CNGA3: variants seen among roughly 807,000 people sequenced by gnomAD.
The protein encoded by CNGA3 is cyclic nucleotide gated channel subunit alpha 3.
In CNGA3, 42 loss-of-function variants were observed where a neutral mutation model predicts 46.6. The ratio of observed to expected loss-of-function variants is 0.90; its 90% CI spans 0.70 to 1.17. CNGA3 has a LOEUF of 1.17. Ranked by LOEUF, CNGA3 falls within the 50% of genes most tolerant of loss-of-function variation. The probability of loss-of-function intolerance (pLI) is 0.00; values close to 1 mark genes in which losing one functional copy is unlikely to be tolerated. For missense variants in CNGA3, 893 were observed against 890.7 expected, an observed-to-expected ratio of 1.00 and a Z score of -0.03; for synonymous variants, 394 against 369.4, an observed-to-expected ratio of 1.07 and a Z score of -0.76.
chr2:98,350,267 A>G (rs1461064675), intron 1 of CNGA3, among the ~76,000 whole-genome samples: 1 of 152,200 alleles, frequency 6.6e-6, no homozygotes, highest in Non-Finnish European at 1.5e-5. Context: ...TGTTGTGGGG[A>G]TTAAATGAAG....
intron 2 of CNGA3, among the ~76,000 whole-genome samples, chr2:98,374,184 G>T (rs1296456955): frequency 6.6e-6 from 1 of 152,166 alleles, no homozygotes; most frequent in African/African-American, 2.4e-5. Flanking sequence ...AGTTCTCATG[G>T]GAGCCCCTGT....
intron 1 of CNGA3, chr2:98,356,110 G>T (rs1035492353): frequency 6.6e-6 from 1 of 152,218 alleles, no homozygotes; most frequent in South Asian, 2.1e-4. Flanking sequence ...TCTCAAGCAG[G>T]ATGGGGGCAT....
At chr2:98,388,840 G>A (rs532989641) in intron 5 of CNGA3, among the ~76,000 whole-genome samples, 1 of 152,312 alleles carries the variant, frequency 6.6e-6, no homozygotes, top group East Asian at 1.9e-4. Context: ...TGCACTTGCA[G>A]CATCCAGGTG....
At chr2:98,380,033 C>A in intron 3 of CNGA3, 142 bp from the exon 4 acceptor site, 1 of 974,490 alleles carries the variant, frequency 1.0e-6, no homozygotes, top group Non-Finnish European at 1.6e-6. Context: ...AGCACCCGTA[C>A]CCTGCTGGTC....
chr2:98,369,991 A>T lies in CNGA3; in HGVS notation c.16A>T (p.Thr6Ser). Residue 6 changes from threonine to serine, a missense_variant, in exon 2 of 8, where the codon ACC becomes TCC. By Grantham distance (58) the Thr-to-Ser change is moderately conservative. Around this residue, in one of 3 missense-constraint regions of CNGA3, gnomAD observed 333 missense variants for 290.8 expected, o/e 1.15. Coordinates refer to ENST00000272602, the MANE Select transcript of CNGA3 (RefSeq NM_001298.3). MAKIN[T>S]QYSHPSRTHL... The stretch of plus-strand genomic sequence containing the variant: ...AACCGAGAAGATGGCCAAGATCAAC[A>T]CCCAATACTCCCACCCCTCCAGGAC... 2 of 1,613,888 alleles carry T rather than the reference A, an allele frequency of 1.2e-6. No individual in the cohort carries two copies. Among genetic ancestry groups the T allele is most frequent in the Non-Finnish European group, 1.7e-6 (2 of 1,179,932 alleles).
At chr2:98,370,646 C>A in intron 2 of CNGA3, among the ~76,000 whole-genome samples, 1 of 152,216 alleles carries the variant, frequency 6.6e-6, no homozygotes, top group South Asian at 2.1e-4. Flanking sequence ...GAGCCTTAAG[C>A]TCTACTTCTA....
At chr2:98,376,277 A>G (rs1692404005) in intron 2 of CNGA3, among the ~76,000 whole-genome samples, 3 of 152,164 alleles carry the variant, frequency 2.0e-5, no homozygotes, top group Admixed American at 2.0e-4. Flanking sequence ...CCAGTCAAGC[A>G]AGACCCCAGG....
At chr2:98,353,791 C>T (rs1691819591) in intron 1 of CNGA3, among the ~76,000 whole-genome samples, 1 of 152,194 alleles carries the variant, frequency 6.6e-6, no homozygotes. Context: ...ATCTGCTCAG[C>T]TTCTTGGGAA....
intron 6 of CNGA3, 48 bp from the exon 7 acceptor site, chr2:98,391,816 C>A (rs1291222882): frequency 1.3e-6 from 2 of 1,590,386 alleles, no homozygotes; most frequent in Non-Finnish European, 1.7e-6. Context: ...GTGGTCCACG[C>A]TCCAGAAACA....
intron 1 of CNGA3, among the ~76,000 whole-genome samples, chr2:98,349,678 C>A (rs560749239): frequency 1.3e-5 from 2 of 152,194 alleles, no homozygotes; most frequent in Non-Finnish European, 2.9e-5. Flanking sequence ...CAGAAGCAAC[C>A]TCTGTTCTGA....
intron 1 of CNGA3, among the ~76,000 whole-genome samples, chr2:98,358,931 G>A (rs1373584772): frequency 6.6e-6 from 1 of 152,192 alleles, no homozygotes; most frequent in Non-Finnish European, 1.5e-5. Flanking sequence ...ACTTACTGTA[G>A]CCCAAATATC....
chr2:98,362,994 C>T (rs2104153653), intron 1 of CNGA3, among the ~76,000 whole-genome samples: 1 of 152,274 alleles, frequency 6.6e-6, no homozygotes, highest in Middle Eastern at 3.4e-3. Flanking sequence ...GTTTTCTAGT[C>T]TGTTCCATTG....
intron 1 of CNGA3, among the ~76,000 whole-genome samples, chr2:98,366,994 A>G (rs1692169179): frequency 6.6e-6 from 1 of 151,898 alleles, no homozygotes; most frequent in Non-Finnish European, 1.5e-5. Context: ...TGAGAATGAG[A>G]GGTCCCCTTG....
chr2:98,377,346 T>G, intron 2 of CNGA3: 1 of 264,596 alleles, frequency 3.8e-6, no homozygotes, highest in Non-Finnish European at 7.4e-6. Flanking sequence ...CTGGAGTCAT[T>G]TTATGGAAGC....
intron 5 of CNGA3, among the ~76,000 whole-genome samples, chr2:98,387,163 T>G (rs1159054323): frequency 6.6e-6 from 1 of 152,192 alleles, no homozygotes; most frequent in Non-Finnish European, 1.5e-5. Flanking sequence ...TGAAACAGCG[T>G]TTTAAGTGGC....
chr2:98,397,278 T>C lies in CNGA3; in HGVS notation c.*23T>C. 1 of 1,611,242 alleles carries C rather than the reference T, an allele frequency of 6.2e-7. No individual in the cohort carries two copies. Among genetic ancestry groups the C allele is most frequent in the East Asian group, 2.2e-5 (1 of 44,878 alleles). ...TGAAAATGCAGCATCTGTCTCCTGC[T>C]TCACAGGGTCGACTGTCAGGGTGAC... On this transcript the variant is annotated 3_prime_UTR_variant, in exon 8 of 8. Transcript: ENST00000272602.
At chr2:98,366,854 G>A (rs1442028811) in intron 1 of CNGA3, among the ~76,000 whole-genome samples, 2 of 152,206 alleles carry the variant, frequency 1.3e-5, no homozygotes, top group Non-Finnish European at 2.9e-5. Context: ...GCACAGCTCT[G>A]TGCTTGAGAC....
intron 2 of CNGA3, 97 bp from the exon 3 acceptor site, chr2:98,377,590 C>G: frequency 8.1e-7 from 1 of 1,233,122 alleles, no homozygotes; most frequent in Admixed American, 2.0e-5. Context: ...GTGGCTTTCC[C>G]TGCTAAGCAG....
rs1214670262 is a variant in CNGA3 at position 98,397,893 on chromosome 2, T to C, written c.*638T>C. ...ATCTGTGAAGCAAATCCAGACTCCT[T>C]GCCGTTCAGCCACTGTGAAACCAGA... is the stretch of plus-strand genomic sequence containing the variant. On this transcript the variant is annotated 3_prime_UTR_variant, in exon 8 of 8. Transcript: ENST00000272602. 6.5e-6 allele frequency: 1 copy of C among 153,642 alleles called. No individual in the cohort carries two copies. The highest frequency in any genetic ancestry group is 1.9e-4 in the East Asian group (1 of 5,204). 9.5% of individuals were successfully genotyped at this position (153,642 alleles called of 1,614,324 possible). A position where few individuals can be genotyped will look rare whatever the true frequency, so the allele number is the denominator to read the frequency against.
Sources: allele counts gnomAD v4.1 joint callset (sites outside exome capture counted in the v4.1 genomes callset), GRCh38; gene constraint gnomAD v4.1.1; regional missense constraint gnomAD v4.1.1; transcripts MANE v1.5; gene names NCBI Gene and HGNC (gene_info 2026-07-23, HGNC 2026-07-21).